RPS6KA3: variants seen among roughly 807,000 people sequenced by gnomAD.
RPS6KA3 encodes ribosomal protein S6 kinase alpha-3.
In RPS6KA3, 4 loss-of-function variants were observed where a neutral mutation model predicts 67.2. That is an observed-to-expected ratio of 0.06 (90% CI 0.03 to 0.14). RPS6KA3 has a LOEUF of 0.14. Among genes scored for constraint, RPS6KA3 ranks in the 10% least tolerant of loss-of-function variants. The pLI is 1.00. For synonymous variants in RPS6KA3, 182 were observed against 183.7 expected (o/e 0.99, Z 0.07); for missense variants, 204 against 559.0 (o/e 0.36, Z 6.40).
intron 2 of RPS6KA3, among the ~76,000 whole-genome samples, chrX:20,221,025 C>T (rs763570288): frequency 1.5e-4 from 17 of 112,221 alleles, no homozygotes; most frequent in Non-Finnish European, 3.2e-4. Context: ...AATCACATTA[C>T]AACTCATCAA....
chrX:20,191,774 C>CT (rs1400482377), intron 7 of RPS6KA3, among the ~76,000 whole-genome samples: 4 of 107,921 alleles, frequency 3.7e-5, no homozygotes, highest in Middle Eastern at 4.8e-3. Context: ...TTATACACTT[C>CT]TTTTTTTTTG....
intron 10 of RPS6KA3, among the ~76,000 whole-genome samples, chrX:20,184,397 C>CTTTTT (rs1176222205): frequency 3.1e-4 from 27 of 86,426 alleles, no homozygotes; most frequent in Non-Finnish European, 4.2e-4. Flanking sequence ...CATTACTTTT[C>CTTTTT]TTTTTTTTTT....
At chrX:20,188,799 T>A (rs1471776743) in intron 7 of RPS6KA3, among the ~76,000 whole-genome samples, 1 of 112,961 alleles carries the variant, frequency 8.9e-6, no homozygotes, top group Admixed American at 9.3e-5. Context: ...TCACCTGTAC[T>A]CTTCCCAGCT....
At chrX:20,206,742 A>T (rs771244396) in intron 3 of RPS6KA3, among the ~76,000 whole-genome samples, 1 of 112,436 alleles carries the variant, frequency 8.9e-6, no homozygotes, top group African/African-American at 3.2e-5. Flanking sequence ...CCTAGGAAGG[A>T]TGCAGGGAAA....
rs1381668919 is a variant in RPS6KA3, at chrX:20,176,375, A to C, written c.1000-23T>G. ...TTTCTGGAGGGGAAAAAAAAAAGAGACTTAGACATATTTTAATTATAAAGA... is the reference window on the plus strand; with the variant it reads ...TTTCTGGAGGGGAAAAAAAAAAGAGCCTTAGACATATTTTAATTATAAAGA... On this transcript the variant is annotated intron_variant, in intron 12 of 21. Transcript: ENST00000379565. 1.5e-5 allele frequency: 17 copies of C among 1,118,331 alleles called. No homozygotes were observed. In the Admixed American group the frequency reaches 3.8e-4, roughly 25 times the overall value. 92.2% of individuals were successfully genotyped at this position (1,118,331 alleles called of 1,213,427 possible).
At chrX:20,232,373 G>A (rs1216296715) in intron 2 of RPS6KA3, among the ~76,000 whole-genome samples, 1 of 111,652 alleles carries the variant, frequency 9.0e-6, no homozygotes, top group Non-Finnish European at 1.9e-5. Flanking sequence ...AGGAGTTTGC[G>A]ACCAGCCTGA....
chrX:20,158,571 G>C (rs2067240861), intron 20 of RPS6KA3, among the ~76,000 whole-genome samples: 1 of 110,320 alleles, frequency 9.1e-6, no homozygotes, highest in African/African-American at 3.3e-5. Flanking sequence ...AACAGAGCTG[G>C]AAATAAAAAT....
intron 4 of RPS6KA3, chrX:20,203,681 C>A: frequency 6.2e-6 from 1 of 160,942 alleles, no homozygotes. Context: ...AGAATAAAAG[C>A]TATTTTGCAG....
At chrX:20,162,544 A>C (rs891936482) in intron 19 of RPS6KA3, among the ~76,000 whole-genome samples, 4 of 110,181 alleles carry the variant, frequency 3.6e-5, no homozygotes, top group Non-Finnish European at 7.6e-5. Context: ...TGAATTAAAA[A>C]AAAAAAAAAC....
chrX:20,237,138 G>T (rs1057353205), intron 1 of RPS6KA3, among the ~76,000 whole-genome samples: 1 of 111,609 alleles, frequency 9.0e-6, no homozygotes, highest in Non-Finnish European at 1.9e-5. Context: ...AACAATCAAT[G>T]TCAGTTAGTT....
At chrX:20,166,713 C>CTTTT (rs774405280) in intron 17 of RPS6KA3, among the ~76,000 whole-genome samples, 105 of 81,351 alleles carry the variant, frequency 1.3e-3, no homozygotes, top group African/African-American at 1.6e-3. Flanking sequence ...GACTTCCCTT[C>CTTTT]TTTTTTTTTT....
At chrX:20,186,227 C>T in intron 10 of RPS6KA3, 69 bp downstream of exon 10, 1 of 756,230 alleles carries the variant, frequency 1.3e-6, no homozygotes, top group East Asian at 3.2e-5. Flanking sequence ...CAGGCATGAG[C>T]CACAGCGCCC....
intron 1 of RPS6KA3, chrX:20,241,498 T>A (rs2069550906): frequency 9.8e-6 from 1 of 102,052 alleles, no homozygotes; most frequent in Non-Finnish European, 2.0e-5. Context: ...ATAGAAATAA[T>A]CTATGAATAA....
At chrX:20,186,272 C>A (rs756312100) in intron 10 of RPS6KA3, 24 bp downstream of exon 10, 15 of 1,010,837 alleles carry the variant, frequency 1.5e-5, no homozygotes, top group Admixed American at 1.3e-4. Flanking sequence ...CTCATCAAAA[C>A]ATCTATATTA....
chrX:20,195,056 C>T lies in RPS6KA3; in HGVS notation c.406+9G>A. On this transcript the variant is annotated intron_variant, in intron 5 of 21. Coordinates refer to ENST00000379565, the MANE Select transcript of RPS6KA3 (RefSeq NM_004586.3). ...TCAAGGGATGATGTGGGAGACGGCT[C>T]ATACTTACCATAATGCAACTTGACA... 1 of 1,136,775 alleles carries T rather than the reference C, an allele frequency of 8.8e-7. No homozygotes were observed. The highest frequency in any genetic ancestry group is 1.2e-6 in the Non-Finnish European group (1 of 827,721). 93.7% of individuals were successfully genotyped at this position (1,136,775 alleles called of 1,213,427 possible). A position where few individuals can be genotyped will look rare whatever the true frequency, so the allele number is the denominator to read the frequency against.
chrX:20,200,565 T>C (rs2068400481), intron 4 of RPS6KA3, among the ~76,000 whole-genome samples: 2 of 112,514 alleles, frequency 1.8e-5, no homozygotes, highest in African/African-American at 3.2e-5. Flanking sequence ...TTTTACATAC[T>C]TGTAGCTCAA....
intron 1 of RPS6KA3, 74 bp downstream of exon 1, chrX:20,266,490 C>A: frequency 1.1e-6 from 1 of 890,288 alleles, no homozygotes; most frequent in Non-Finnish European, 1.6e-6. Flanking sequence ...GAGTGGCCAG[C>A]TCCGGGGAGC....
At chrX:20,225,648 C>T (rs1406642732) in intron 2 of RPS6KA3, among the ~76,000 whole-genome samples, 1 of 111,187 alleles carries the variant, frequency 9.0e-6, no homozygotes. Context: ...AATTCACTGC[C>T]TATTGTCTAC....
intron 2 of RPS6KA3, among the ~76,000 whole-genome samples, chrX:20,226,414 A>T (rs771995726): frequency 9.0e-6 from 1 of 111,576 alleles, no homozygotes; most frequent in African/African-American, 3.3e-5. Flanking sequence ...GTTCAGGAGA[A>T]ATCGGGCTCT....
Sources: allele counts gnomAD v4.1 joint callset (sites outside exome capture counted in the v4.1 genomes callset), GRCh38; gene constraint gnomAD v4.1.1; transcripts MANE v1.5; gene names NCBI Gene and HGNC (gene_info 2026-07-23, HGNC 2026-07-21).